HYCC1: variants seen among roughly 807,000 people sequenced by gnomAD.
HYCC1 encodes hyccin PI4KA lipid kinase complex subunit 1.
At chr7:22,986,100 T>C in the HYCC1 span, among the ~76,000 whole-genome samples, 32 of 152,128 alleles carry the variant, frequency 2.1e-4, no homozygotes, top group East Asian at 5.8e-3. Context: ...GTTCAGCTTA[T>C]ATACTAGCTG....
chr7:22,943,354 T>G, the HYCC1 span: 4 of 152,160 alleles, frequency 2.6e-5, no homozygotes, highest in African/African-American at 9.7e-5. Flanking sequence ...TCTGATACTT[T>G]CTTCTCATAA....
chr7:22,972,472 A>C, the HYCC1 span, among the ~76,000 whole-genome samples: 36 of 152,206 alleles, frequency 2.4e-4, no homozygotes, highest in Non-Finnish European at 4.6e-4. Flanking sequence ...AATTCAACTT[A>C]ATAGCTGAGC....
At chr7:22,997,310 C>T in the HYCC1 span, among the ~76,000 whole-genome samples, 1 of 151,896 alleles carries the variant, frequency 6.6e-6, no homozygotes, top group African/African-American at 2.4e-5. Context: ...TTACATCATC[C>T]CCTTCACCAT....
the HYCC1 span, among the ~76,000 whole-genome samples, chr7:22,929,937 C>G: frequency 6.6e-5 from 10 of 152,170 alleles, no homozygotes; most frequent in African/African-American, 2.4e-4. Flanking sequence ...GACTTGGAAC[C>G]AACCCAAATG....
the HYCC1 span, among the ~76,000 whole-genome samples, chr7:22,995,539 A>G: frequency 6.6e-6 from 1 of 152,176 alleles, no homozygotes; most frequent in Middle Eastern, 3.2e-3. Context: ...TATTAAGCCA[A>G]CCTGAAAGAA....
At chr7:22,965,562 AAAAAAT>A in the HYCC1 span, among the ~76,000 whole-genome samples, 2 of 151,450 alleles carry the variant, frequency 1.3e-5, no homozygotes, top group Non-Finnish European at 2.9e-5. Flanking sequence ...ACTTAAAGTA[AAAAAAT>A]AAAAATAAAA....
chr7:22,980,589 A>T, the HYCC1 span, among the ~76,000 whole-genome samples: 1 of 152,362 alleles, frequency 6.6e-6, no homozygotes, highest in South Asian at 2.1e-4. Context: ...TTCTTTAATG[A>T]CTAAGCAGGA....
the HYCC1 span, among the ~76,000 whole-genome samples, chr7:22,925,862 C>T: frequency 6.6e-6 from 1 of 152,122 alleles, no homozygotes; most frequent in Non-Finnish European, 1.5e-5. Flanking sequence ...AGAAGAACAA[C>T]TCCAAGACAC....
the HYCC1 span, among the ~76,000 whole-genome samples, chr7:22,989,285 A>AACAC: frequency 9.8e-3 from 1,456 of 148,668 alleles, 19 homozygotes; most frequent in South Asian, 0.042. Context: ...ACAAGCAGGA[A>AACAC]ACACACACAC....
chr7:22,979,201 T>C, the HYCC1 span, among the ~76,000 whole-genome samples: 1 of 152,168 alleles, frequency 6.6e-6, no homozygotes, highest in Non-Finnish European at 1.5e-5. Context: ...CAAAAACTAA[T>C]TTACAGTGGA....
chr7:22,962,728 G>A, the HYCC1 span, among the ~76,000 whole-genome samples: 46 of 152,020 alleles, frequency 3.0e-4, no homozygotes, highest in Non-Finnish European at 5.1e-4. Flanking sequence ...CAGGACAACA[G>A]AGAACACTAC....
At chr7:22,947,727 A>T in the HYCC1 span, among the ~76,000 whole-genome samples, 23 of 101,200 alleles carry the variant, frequency 2.3e-4, no homozygotes, top group African/African-American at 7.8e-4. Context: ...TCCCCTTTGT[A>T]CTCTTAAAAT....
At chr7:23,002,160 A>ATATACACAAT in the HYCC1 span, among the ~76,000 whole-genome samples, 2 of 68,192 alleles carry the variant, frequency 2.9e-5, no homozygotes, top group African/African-American at 1.3e-4. Flanking sequence ...ATATATATAT[A>ATATACACAAT]TATATATATA....
At chr7:23,008,944 G>A in the HYCC1 span, among the ~76,000 whole-genome samples, 1 of 152,002 alleles carries the variant, frequency 6.6e-6, no homozygotes, top group Non-Finnish European at 1.5e-5. Context: ...TTTCTAAGTA[G>A]TGAGGTATCA....
At chr7:22,988,769 T>TTATCCTCAAAA in the HYCC1 span, among the ~76,000 whole-genome samples, 1 of 152,184 alleles carries the variant, frequency 6.6e-6, no homozygotes, top group South Asian at 2.1e-4. Context: ...CTAACTCCCA[T>TTATCCTCAAAA]TATCCTCAAA....
the HYCC1 span, among the ~76,000 whole-genome samples, chr7:22,896,806 T>C: frequency 1.3e-5 from 2 of 152,208 alleles, no homozygotes; most frequent in East Asian, 1.9e-4. Context: ...GCTCTGAACA[T>C]TGGACAAGTC....
At chr7:22,914,299 GC>G in the HYCC1 span, among the ~76,000 whole-genome samples, 3 of 151,770 alleles carry the variant, frequency 2.0e-5, no homozygotes, top group African/African-American at 7.2e-5. Flanking sequence ...CCACATTGCA[GC>G]CCAGGGCTGC....
At chr7:22,953,537 C>A in the HYCC1 span, among the ~76,000 whole-genome samples, 1 of 151,648 alleles carries the variant, frequency 6.6e-6, no homozygotes, top group African/African-American at 2.4e-5. Context: ...TTTTTGTTTT[C>A]CTCAAAAATT....
the HYCC1 span, among the ~76,000 whole-genome samples, chr7:22,897,071 G>T: frequency 6.6e-6 from 1 of 152,182 alleles, no homozygotes; most frequent in Non-Finnish European, 1.5e-5. Flanking sequence ...ACCAGGAAAA[G>T]CTCTTCAGGT....
Sources: allele counts gnomAD v4.1 joint callset (sites outside exome capture counted in the v4.1 genomes callset), GRCh38; gene constraint gnomAD v4.1.1; transcripts MANE v1.5; gene names NCBI Gene and HGNC (gene_info 2026-07-23, HGNC 2026-07-21).